The following NAV3 variants were observed in gnomAD, a reference collection of about 807,000 sequenced individuals.
NAV3 encodes pore membrane and/or filament interacting like protein 1.
In NAV3, 87 loss-of-function variants were observed where a neutral mutation model predicts 244.7. The ratio of observed to expected loss-of-function variants is 0.36; its 90% CI spans 0.30 to 0.42. The LOEUF (loss-of-function observed/expected upper bound fraction) is 0.42. Ranked by LOEUF, NAV3 falls within the 20% of genes least tolerant of loss-of-function variation. NAV3 has a pLI of 1.00. For synonymous variants in NAV3, 1,126 were observed against 1,042.2 expected, an observed-to-expected ratio of 1.08 and a Z score of -1.55; for missense variants, 2,663 against 2,893.3, an observed-to-expected ratio of 0.92 and a Z score of 1.83.
rs1016211648 is a variant in NAV3 at position 77,904,429 on chromosome 12, T to G, written c.244-35890T>G. On this transcript the variant is annotated intron_variant, in intron 1 of 39. Coordinates refer to ENST00000397909, the MANE Select transcript of NAV3 (RefSeq NM_001024383.2). The stretch of plus-strand genomic sequence containing the variant: ...AAACACCGCATGTTCTCACTCATAG[T>G]TGGGAATTGAACAATGAGAACACAT... Among the ~76,000 whole-genome samples, 48 of 151,942 alleles carry G rather than the reference T, an allele frequency of 3.2e-4. 1 individual carries two copies. Among genetic ancestry groups the G allele is most frequent in the South Asian group, 2.1e-4 (1 of 4,798 alleles).
intron 12 of NAV3, among the ~76,000 whole-genome samples, chr12:78,094,373 T>C (rs1306624172): frequency 6.6e-6 from 1 of 152,204 alleles, no homozygotes; most frequent in Non-Finnish European, 1.5e-5. Context: ...TGTTAAACAG[T>C]GGACTGTTTA....
chr12:78,200,384 A>G (rs1959522004), intron 37 of NAV3, 89 bp from the exon 38 acceptor site: 1 of 755,840 alleles, frequency 1.3e-6, no homozygotes, highest in South Asian at 3.4e-5. Flanking sequence ...TTTTGCAAGA[A>G]ATATATTATA....
Position 77,831,266 on chromosome 12 carries a change from A to G in NAV3, c.-196A>G. 1 of 519,870 alleles carries G rather than the reference A, an allele frequency of 1.9e-6. No homozygotes were observed. The highest frequency in any genetic ancestry group is 3.4e-6 in the Non-Finnish European group (1 of 297,572). The allele number at this position is 519,870 out of a possible 1,614,324, so 32.2% of individuals were successfully genotyped here. A position where few individuals can be genotyped will look rare whatever the true frequency, so the allele number is the denominator to read the frequency against. On this transcript the variant is annotated 5_prime_UTR_variant, in exon 1 of 40. Coordinates refer to ENST00000397909, the MANE Select transcript of NAV3 (RefSeq NM_001024383.2). ...GAATGAATATGAATCCCAGCCAGCAAGAAAGAAAAGATACTTAACTAAAGA... is the reference window on the plus strand; with the variant it reads ...GAATGAATATGAATCCCAGCCAGCAGGAAAGAAAAGATACTTAACTAAAGA...
intron 3 of NAV3, among the ~76,000 whole-genome samples, chr12:77,955,312 G>A (rs1328702654): frequency 1.3e-5 from 2 of 151,976 alleles, no homozygotes; most frequent in Non-Finnish European, 2.9e-5. Flanking sequence ...CGTTCACCTC[G>A]TACCACATCC....
At chr12:78,047,073 C>T (rs1224148093) in intron 9 of NAV3, among the ~76,000 whole-genome samples, 1 of 152,088 alleles carries the variant, frequency 6.6e-6, no homozygotes, top group East Asian at 1.9e-4. Context: ...TATTTGCTTT[C>T]CATTTGCTTG....
At chr12:78,055,105 G>T (rs1445112423) in intron 11 of NAV3, among the ~76,000 whole-genome samples, 2 of 152,048 alleles carry the variant, frequency 1.3e-5, no homozygotes, top group Non-Finnish European at 2.9e-5. Context: ...AACATTCCAG[G>T]CACTGTGCAT....
At chr12:77,905,745 T>C (rs1158904573) in intron 1 of NAV3, among the ~76,000 whole-genome samples, 1 of 152,162 alleles carries the variant, frequency 6.6e-6, no homozygotes, top group Non-Finnish European at 1.5e-5. Context: ...TATCTTATTG[T>C]TTACTAAAAC....
intron 2 of NAV3, among the ~76,000 whole-genome samples, chr12:77,820,314 A>G (rs746460118): frequency 6.6e-6 from 1 of 152,154 alleles, no homozygotes; most frequent in Non-Finnish European, 1.5e-5. Flanking sequence ...ACAGGAATTT[A>G]TATCCCATAG....
intron 17 of NAV3, among the ~76,000 whole-genome samples, chr12:78,127,743 A>T (rs567862840): frequency 6.6e-6 from 1 of 152,306 alleles, no homozygotes; most frequent in East Asian, 1.9e-4. Context: ...GCTGTAATTA[A>T]GGTGTGATTT....
At chr12:77,926,399 C>A (rs1428718621) in intron 1 of NAV3, among the ~76,000 whole-genome samples, 2 of 152,110 alleles carry the variant, frequency 1.3e-5, no homozygotes, top group Non-Finnish European at 2.9e-5. Context: ...ACCTCCCAAG[C>A]TTCTTTTTAC....
chr12:77,680,887 T>A (rs1874422057), intron 2 of NAV3, among the ~76,000 whole-genome samples: 1 of 152,100 alleles, frequency 6.6e-6, no homozygotes, highest in South Asian at 2.1e-4. Context: ...CTCAATAGCA[T>A]TTTTTATCCA....
chr12:77,663,082 A>G (rs1394821051), intron 2 of NAV3, among the ~76,000 whole-genome samples: 2 of 152,230 alleles, frequency 1.3e-5, no homozygotes, highest in Admixed American at 6.5e-5. Flanking sequence ...TACAGTCTTT[A>G]AGAATACATT....
chr12:77,656,343 G>A (rs1324677261), intron 2 of NAV3, among the ~76,000 whole-genome samples: 1 of 125,424 alleles, frequency 8.0e-6, no homozygotes, highest in African/African-American at 3.6e-5. Flanking sequence ...AACCAACAAA[G>A]ATCAAAAGAG....
chr12:78,080,340 C>T (rs200115337), intron 12 of NAV3, among the ~76,000 whole-genome samples: 1 of 152,214 alleles, frequency 6.6e-6, no homozygotes, highest in East Asian at 1.9e-4. Context: ...CATTAAAAAC[C>T]CTTTTGTAAT....
chr12:77,838,804 C>G (rs1183991035), intron 1 of NAV3, among the ~76,000 whole-genome samples: 1 of 152,176 alleles, frequency 6.6e-6, no homozygotes, highest in African/African-American at 2.4e-5. Context: ...TTGAATTAAA[C>G]TTATGCTAGA....
intron 3 of NAV3, among the ~76,000 whole-genome samples, chr12:77,941,440 A>AT (rs1394280283): frequency 2.6e-5 from 4 of 152,140 alleles, no homozygotes; most frequent in Non-Finnish European, 5.9e-5. Context: ...TAAGTGGATT[A>AT]TTTTTGTCTG....
At chr12:78,087,403 G>T (rs1470151806) in intron 12 of NAV3, among the ~76,000 whole-genome samples, 2 of 151,978 alleles carry the variant, frequency 1.3e-5, no homozygotes, top group African/African-American at 4.8e-5. Context: ...CAGAGGAGTA[G>T]GGAAAATCAC....
At position 77,970,185 on chromosome 12, in the gene NAV3, C is replaced by T. The variant is rs184262615; in HGVS notation, c.671+1483C>T. 5.3e-5 allele frequency among the ~76,000 whole-genome samples: 8 copies of T among 152,182 alleles called. No homozygotes were observed. The South Asian group carries it at 6.2e-4, about 12-fold the overall frequency. ...GAGAGGATATGAAAATCCCTTTCAT[C>T]GTCTTTGAAAATATAAACACTTGTC... On this transcript the variant is annotated intron_variant, in intron 5 of 39. Transcript: ENST00000397909.
intron 2 of NAV3, among the ~76,000 whole-genome samples, chr12:77,682,148 C>T (rs886797182): frequency 6.6e-6 from 1 of 152,078 alleles, no homozygotes; most frequent in Non-Finnish European, 1.5e-5. Context: ...CCCCCCACCT[C>T]GCCCCTGGCC....
Sources: gnomAD v4.1 joint callset for allele counts (sites outside exome capture counted in the v4.1 genomes callset) on GRCh38, gnomAD v4.1.1 for gene constraint, MANE v1.5 for transcripts, NCBI Gene and HGNC (gene_info 2026-07-23, HGNC 2026-07-21) for gene names.